SGMS1: variants seen among roughly 807,000 people sequenced by gnomAD.
SGMS1 encodes the protein phosphatidylcholine:ceramide cholinephosphotransferase 1.
SGMS1 carries 13 observed loss-of-function variants against 46.2 expected under a neutral mutation model. The observed-to-expected ratio is 0.28, with a 90% confidence interval of 0.18 to 0.45. SGMS1 has a LOEUF of 0.45. Ranked by LOEUF, SGMS1 falls within the 20% of genes least tolerant of loss-of-function variation. SGMS1 has a pLI of 1.00. For synonymous variants in SGMS1, 203 were observed against 187.8 expected, an observed-to-expected ratio of 1.08 and a Z score of -0.66; for missense variants, 324 against 519.9, an observed-to-expected ratio of 0.62 and a Z score of 3.66.
chr10:50,495,238 C>CAAAA (rs35409405), intron 3 of SGMS1, among the ~76,000 whole-genome samples: 16 of 75,848 alleles, frequency 2.1e-4, no homozygotes, highest in South Asian at 5.7e-4. Flanking sequence ...GATTCCGTCT[C>CAAAA]AAAAAAAAAA....
intron 6 of SGMS1, among the ~76,000 whole-genome samples, chr10:50,394,260 G>A (rs1848813423): frequency 6.6e-6 from 1 of 152,202 alleles, no homozygotes; most frequent in South Asian, 2.1e-4. Context: ...AAGATTCAGT[G>A]ATGATATCTG....
intron 3 of SGMS1, among the ~76,000 whole-genome samples, chr10:50,501,933 T>C (rs1026292377): frequency 6.6e-6 from 1 of 152,244 alleles, no homozygotes; most frequent in African/African-American, 2.4e-5. Flanking sequence ...CTTGCTTCAC[T>C]GTCCATCATT....
chr10:50,418,693 C>T (rs886265415), intron 6 of SGMS1, among the ~76,000 whole-genome samples: 4 of 152,134 alleles, frequency 2.6e-5, no homozygotes, highest in Non-Finnish European at 4.4e-5. Flanking sequence ...AGTGGATGTA[C>T]ATTAGTTTCG....
At chr10:50,503,028 A>G (rs533314140) in intron 3 of SGMS1, among the ~76,000 whole-genome samples, 3 of 152,354 alleles carry the variant, frequency 2.0e-5, no homozygotes, top group Non-Finnish European at 4.4e-5. Context: ...TAAATCTCCA[A>G]AGAATCATTT....
chr10:50,324,656 G>T (rs1344351831), intron 8 of SGMS1, among the ~76,000 whole-genome samples: 3 of 152,194 alleles, frequency 2.0e-5, no homozygotes, highest in East Asian at 1.9e-4. Context: ...CTTGTGCCTA[G>T]CTTCAGAAGT....
intron 6 of SGMS1, among the ~76,000 whole-genome samples, chr10:50,419,942 A>T (rs900693348): frequency 6.6e-6 from 1 of 152,188 alleles, no homozygotes; most frequent in Non-Finnish European, 1.5e-5. Flanking sequence ...AGCACGGGAG[A>T]GTGGAAAGAA....
At chr10:50,437,536 G>A (rs1849491016) in intron 5 of SGMS1, among the ~76,000 whole-genome samples, 1 of 152,090 alleles carries the variant, frequency 6.6e-6, no homozygotes. Flanking sequence ...GCAAAGAGAA[G>A]GAACAATAAC....
chr10:50,622,238 G>A (rs1295211205), intron 1 of SGMS1, among the ~76,000 whole-genome samples: 1 of 152,144 alleles, frequency 6.6e-6, no homozygotes, highest in Non-Finnish European at 1.5e-5. Context: ...GCCCGTGGAC[G>A]TTTCACACCC....
chr10:50,508,142 C>T (rs1332876768), intron 3 of SGMS1, among the ~76,000 whole-genome samples: 3 of 152,186 alleles, frequency 2.0e-5, no homozygotes, highest in Admixed American at 6.5e-5. Context: ...AAACTACAGT[C>T]GTTTATTCTG....
chr10:50,546,422 T>C (rs1282342270), intron 2 of SGMS1, among the ~76,000 whole-genome samples: 1 of 152,178 alleles, frequency 6.6e-6, no homozygotes, highest in Non-Finnish European at 1.5e-5. Flanking sequence ...CACATGCACA[T>C]GTATGTTTAT....
At chr10:50,361,474 G>C (rs898920678) in intron 6 of SGMS1, among the ~76,000 whole-genome samples, 2 of 152,168 alleles carry the variant, frequency 1.3e-5, no homozygotes, top group African/African-American at 4.8e-5. Context: ...GCAGTCGTCA[G>C]GACTGTGGCA....
intron 5 of SGMS1, among the ~76,000 whole-genome samples, chr10:50,448,520 G>C (rs979155577): frequency 1.3e-5 from 2 of 152,078 alleles, no homozygotes; most frequent in Non-Finnish European, 2.9e-5. Flanking sequence ...TGAGGTGGGT[G>C]AATCACCTGA....
intron 2 of SGMS1, among the ~76,000 whole-genome samples, chr10:50,582,669 T>A (rs1167015564): frequency 1.3e-5 from 2 of 152,238 alleles, no homozygotes; most frequent in Non-Finnish European, 2.9e-5. Context: ...TTCTTAGGAA[T>A]GTTCCCTTAA....
At chr10:50,606,417 G>A (rs914303693) in intron 1 of SGMS1, among the ~76,000 whole-genome samples, 6 of 152,042 alleles carry the variant, frequency 3.9e-5, no homozygotes, top group Non-Finnish European at 8.8e-5. Flanking sequence ...ACAATTTGAA[G>A]GTACTTAATG....
chr10:50,375,452 G>A (rs892022638), intron 6 of SGMS1, among the ~76,000 whole-genome samples: 3 of 152,148 alleles, frequency 2.0e-5, no homozygotes, highest in African/African-American at 7.2e-5. Context: ...GCTATCAACT[G>A]GAGTGGATTC....
intron 2 of SGMS1, among the ~76,000 whole-genome samples, chr10:50,544,730 G>A (rs764008932): frequency 6.6e-6 from 1 of 152,178 alleles, no homozygotes; most frequent in South Asian, 2.1e-4. Flanking sequence ...AGAAAGTACA[G>A]TATAAACAGG....
At chr10:50,486,959 A>G (rs569102799) in intron 3 of SGMS1, among the ~76,000 whole-genome samples, 1 of 152,340 alleles carries the variant, frequency 6.6e-6, no homozygotes, top group African/African-American at 2.4e-5. Context: ...CACATATACT[A>G]TGTAATACTA....
At chr10:50,369,771 T>A (rs1359241453) in intron 6 of SGMS1, among the ~76,000 whole-genome samples, 1 of 152,204 alleles carries the variant, frequency 6.6e-6, no homozygotes, top group Non-Finnish European at 1.5e-5. Flanking sequence ...CATAAATCCA[T>A]CTACAGTCAT....
chr10:50,449,800 A>G (rs1837078005), intron 5 of SGMS1, among the ~76,000 whole-genome samples: 1 of 149,068 alleles, frequency 6.7e-6, no homozygotes, highest in Admixed American at 6.6e-5. Context: ...TTATTCATCT[A>G]GTTTGTCATC....
Sources: allele counts gnomAD v4.1 joint callset (sites outside exome capture counted in the v4.1 genomes callset), GRCh38; gene constraint gnomAD v4.1.1; transcripts MANE v1.5; gene names NCBI Gene and HGNC (gene_info 2026-07-23, HGNC 2026-07-21).